The following AVEN variants were observed in gnomAD, a reference collection of about 807,000 sequenced individuals.
The protein encoded by AVEN is apoptosis and caspase activation inhibitor, also known as cell death regulator Aven.
A neutral mutation model predicts 38.1 loss-of-function variants in AVEN; 41 were observed. That is an observed-to-expected ratio of 1.08 (90% confidence interval 0.84 to 1.40). The LOEUF is 1.40. Among genes scored for constraint, AVEN ranks in the 40% most tolerant of loss-of-function variants. The pLI is 0.00. For missense variants in AVEN, 605 were observed against 438.8 expected, an observed-to-expected ratio of 1.38 and a Z score of -3.38; for synonymous variants, 206 against 171.8, an observed-to-expected ratio of 1.20 and a Z score of -1.56.
At chr15:33,859,944 T>A (rs899561503) in intron 11 of AVEN, among the ~76,000 whole-genome samples, 2 of 152,194 alleles carry the variant, frequency 1.3e-5, no homozygotes, top group African/African-American at 4.8e-5. Flanking sequence ...GCTTCATCCA[T>A]ACAGAGGAAC....
chr15:33,864,130 C>G, downstream of AVEN: 2 of 1,607,172 alleles, frequency 1.2e-6, no homozygotes, highest in Non-Finnish European at 1.7e-6. Context: ...ATCTTTTCCT[C>G]GTTCCAGGTT....
downstream of AVEN, chr15:33,864,311 C>A (rs1227900045): frequency 1.2e-5 from 9 of 746,172 alleles, no homozygotes; most frequent in East Asian, 2.5e-4. Flanking sequence ...TGCATTTTCC[C>A]ATCACCTTTT....
chr15:33,900,084 C>A (rs2153042896), intron 2 of AVEN, among the ~76,000 whole-genome samples: 1 of 152,234 alleles, frequency 6.6e-6, no homozygotes, highest in Non-Finnish European at 1.5e-5. Flanking sequence ...GTGTCTACAT[C>A]TGTATTTATG....
In AVEN at chr15:34,047,519, A is replaced by G. The variant is rs148743275; in HGVS notation, n.1637+15403T>C. 4.2e-3 allele frequency among the ~76,000 whole-genome samples: 646 copies of G among 152,246 alleles called. 1 individual carries two copies. Among genetic ancestry groups the G allele is most frequent in the Non-Finnish European group, 6.9e-3 (468 of 68,000 alleles). On this transcript the variant is annotated intron_variant and non_coding_transcript_variant, in intron 5 of 11. Coordinates refer to the AVEN transcript ENST00000675287. ...GGCCCCACTTCCCTGGCACCTCACA[A>G]GATAAGACCCACTGACTTGGAATTC... is the stretch of plus-strand genomic sequence containing the variant.
intron 2 of AVEN, among the ~76,000 whole-genome samples, chr15:33,980,298 C>A (rs1444109418): frequency 6.6e-6 from 1 of 152,114 alleles, no homozygotes; most frequent in Non-Finnish European, 1.5e-5. Flanking sequence ...TTTTTGTCAG[C>A]AGCACACCTT....
intron 2 of AVEN, among the ~76,000 whole-genome samples, chr15:33,923,696 G>A (rs580413): frequency 0.63 from 96,024 of 151,708 alleles, 31,300 homozygotes; most frequent in East Asian, 0.81. Flanking sequence ...GTACAGCATG[G>A]GTTCCCAACC....
At chr15:34,052,037 C>T (rs1442355838) in intron 5 of AVEN, among the ~76,000 whole-genome samples, 1 of 151,928 alleles carries the variant, frequency 6.6e-6, no homozygotes, top group Non-Finnish European at 1.5e-5. Context: ...GGCAGAGATA[C>T]AACAAAAAAA....
At chr15:33,986,765 T>C (rs1366128080) in intron 2 of AVEN, among the ~76,000 whole-genome samples, 1 of 152,028 alleles carries the variant, frequency 6.6e-6, no homozygotes, top group East Asian at 1.9e-4. Context: ...CAAGCGATTC[T>C]CCTGTGTCAG....
At chr15:34,015,862 T>C (rs543849904) in intron 1 of AVEN, among the ~76,000 whole-genome samples, 66 of 152,342 alleles carry the variant, frequency 4.3e-4, no homozygotes, top group African/African-American at 1.3e-3. Flanking sequence ...GAAAGAGTAA[T>C]TACCATTCGT....
intron 2 of AVEN, among the ~76,000 whole-genome samples, chr15:33,961,593 C>T (rs1230379768): frequency 6.6e-6 from 1 of 151,762 alleles, no homozygotes; most frequent in Non-Finnish European, 1.5e-5. Flanking sequence ...GTGGGCGAAT[C>T]ACGAGGTCAG....
chr15:34,056,030 G>A (rs1187181730), intron 5 of AVEN, among the ~76,000 whole-genome samples: 1 of 152,088 alleles, frequency 6.6e-6, no homozygotes, highest in Non-Finnish European at 1.5e-5. Flanking sequence ...AGCAGGTATT[G>A]TTATACGTGT....
rs1291443721 is a variant in AVEN, at chr15:33,875,927, G to T, written c.514C>A (p.Gln172Lys). The T allele has an allele frequency of 3.1e-6, 5 of 1,612,944 alleles. No individual in the cohort carries two copies. The part of the protein sequence containing the change: ...EWDSEASCPK[Q>K]NSAFYVDSEL... ...ACTTAACACAACTCTTATCTTACCT[G>T]TTTTGGACAAGAAGCTTCACTATCC... The change falls in exon 3 of 6, where the codon CAG (glutamine) becomes AAG (lysine). Residue 172 changes from glutamine (Q) to lysine (K), a missense_variant and splice_region_variant. Coordinates refer to ENST00000306730, the MANE Select transcript of AVEN (RefSeq NM_020371.3).
Position 34,063,284 on chromosome 15 carries a change from T to C in AVEN, n.1275A>G. ...ATGAGTGCCAGATCCAGTTTCTCTC[T>C]GAGCCCACCATCACTTTTGGCACTG... On this transcript the variant is annotated non_coding_transcript_exon_variant, in exon 5 of 12. Transcript: ENST00000675287. This position sits in a 1 kb window ranked among gnomAD's most constrained non-coding sequence, Gnocchi z 4.1. 6.2e-7 allele frequency: 1 copy of C among 1,614,188 alleles called. No individual in the cohort carries two copies. Among genetic ancestry groups the C allele is most frequent in the East Asian group, 2.2e-5 (1 of 44,878 alleles).
At chr15:33,898,662 T>A (rs1224414058) in intron 2 of AVEN, among the ~76,000 whole-genome samples, 1 of 152,192 alleles carries the variant, frequency 6.6e-6, no homozygotes, top group Non-Finnish European at 1.5e-5. Flanking sequence ...CTTCACTTGA[T>A]CACATTTGCC....
intron 2 of AVEN, among the ~76,000 whole-genome samples, chr15:33,975,035 C>T (rs182696658): frequency 6.6e-6 from 1 of 152,186 alleles, no homozygotes; most frequent in East Asian, 1.9e-4. Flanking sequence ...AGCCATGTTC[C>T]TTCTTTCAAA....
chr15:33,911,687 C>T (rs1892923897), intron 2 of AVEN, among the ~76,000 whole-genome samples: 1 of 152,030 alleles, frequency 6.6e-6, no homozygotes, highest in Non-Finnish European at 1.5e-5. Context: ...GAGCTCTAAA[C>T]ATAAAAGCAT....
downstream of AVEN, chr15:33,865,409 C>A (rs1597153785): frequency 1.8e-6 from 1 of 569,074 alleles, no homozygotes; most frequent in East Asian, 2.9e-5. Context: ...AATGGACATA[C>A]ACTGTGGGAG....
At position 34,003,068 on chromosome 15, in the gene AVEN, T is replaced by G; in HGVS notation, c.409A>C (p.Arg137=). Residue 137 remains arginine, a synonymous_variant, in exon 2 of 6, where the codon AGG becomes CGG. Transcript: ENST00000306730. The stretch of plus-strand genomic sequence containing the variant: ...AGGAGGACACTGAAATCTGTTCCCC[T>G]CTGTGACTCTCCACTTTCATTATTG... ...EVNNESGESQ[R]GTDFSVLLSS... 6.2e-7 allele frequency: 1 copy of G among 1,614,038 alleles called. No individual in the cohort carries two copies. The highest frequency in any genetic ancestry group is 2.2e-5 in the East Asian group (1 of 44,856).
chr15:33,857,515 A>G (rs2079817016), downstream of AVEN, among the ~76,000 whole-genome samples: 1 of 152,052 alleles, frequency 6.6e-6, no homozygotes, highest in Non-Finnish European at 1.5e-5. Flanking sequence ...GGACCTCAGC[A>G]TATGAATTTG....
Sources: gnomAD v4.1 joint callset for allele counts (sites outside exome capture counted in the v4.1 genomes callset) on GRCh38, gnomAD v4.1.1 for gene constraint, Gnocchi (gnomAD v3.1) non-coding constraint, MANE v1.5 for transcripts, NCBI Gene and HGNC (gene_info 2026-07-23, HGNC 2026-07-21) for gene names.